The following DBF4B variants were observed in gnomAD, a reference collection of about 807,000 sequenced individuals.
DBF4B encodes DBF4B-CDC7 kinase regulatory subunit.
Under a neutral mutation model 53.4 loss-of-function variants are expected in DBF4B, and 49 were observed. The ratio of observed to expected loss-of-function variants is 0.92; its 90% CI spans 0.73 to 1.16. DBF4B has a LOEUF of 1.16. Among genes scored for constraint, DBF4B ranks in the 50% most tolerant of loss-of-function variants. The pLI, the probability that DBF4B is intolerant of heterozygous loss-of-function variation, is 0.00. For missense variants in DBF4B, 692 were observed against 775.0 expected (o/e 0.89, Z 1.27); for synonymous variants, 257 against 288.7 (o/e 0.89, Z 1.11).
chr17:44,750,473 C>T, intron 13 of DBF4B, 122 bp from the exon 14 acceptor site: 1 of 1,469,944 alleles, frequency 6.8e-7, no homozygotes, highest in Non-Finnish European at 9.0e-7. Flanking sequence ...GGTCATGTTA[C>T]CCCCTTCCTG....
At chr17:44,732,684 G>T (rs2144969423) in intron 6 of DBF4B, 1 of 160,848 alleles carries the variant, frequency 6.2e-6, no homozygotes, top group African/African-American at 2.4e-5. Context: ...TGACCAACGT[G>T]GTGAAACCCC....
rs909504058 is a variant in DBF4B, at chr17:44,736,754, A to G, written c.631-76A>G. 5 of 1,540,382 alleles carry G rather than the reference A, an allele frequency of 3.2e-6. No individual in the cohort carries two copies. In the Admixed American group the frequency reaches 6.7e-5, roughly 21 times the overall value. ...AGCAAAGTGGGACAGACTGGCAGCC[A>G]CTTGGCTTATCAGGCCCAGTTCCTT... On this transcript the variant is annotated intron_variant, in intron 7 of 13. Transcript: ENST00000315005.
Position 44,736,810 on chromosome 17 carries a change from T to A in DBF4B, c.631-20T>A, listed in dbSNP as rs776454560. 9 of 1,614,022 alleles carry A rather than the reference T, an allele frequency of 5.6e-6. No individual in the cohort carries two copies. The South Asian group carries it at 9.9e-5, about 18-fold the overall frequency. ...CCGTGGCTTCCTCACATCCTTAACC[T>A]ATTTTTCCTTTCCATTTAGGGAACA... On this transcript the variant is annotated intron_variant, in intron 7 of 13. Transcript: ENST00000315005.
chr17:44,709,417 C>G (rs1972662822), intron 2 of DBF4B, 51 bp downstream of exon 2: 1 of 1,601,906 alleles, frequency 6.2e-7, no homozygotes, highest in Non-Finnish European at 8.5e-7. Flanking sequence ...GCCCCAGGGT[C>G]TCTTGGAGAA....
intron 3 of DBF4B, among the ~76,000 whole-genome samples, chr17:44,727,864 A>ATTT (rs756222247): frequency 2.2e-4 from 24 of 106,714 alleles, no homozygotes; most frequent in South Asian, 3.3e-4. Flanking sequence ...TGCCCGGGTA[A>ATTT]TTTTTTTTTT....
At chr17:44,738,919 G>A (rs1975726967) in intron 9 of DBF4B, among the ~76,000 whole-genome samples, 4 of 152,154 alleles carry the variant, frequency 2.6e-5, no homozygotes, top group Admixed American at 2.6e-4. Context: ...TTTGAAAATC[G>A]TTTTCTGGCT....
intron 3 of DBF4B, among the ~76,000 whole-genome samples, chr17:44,725,172 T>A (rs1393622465): frequency 2.7e-5 from 4 of 149,762 alleles, no homozygotes; most frequent in African/African-American, 7.4e-5. Context: ...ATGCCTGTAG[T>A]CCAGCTACTC....
intron 1 of DBF4B, 31 bp from the exon 2 acceptor site, chr17:44,709,273 A>G (rs1568151893): frequency 2.5e-6 from 4 of 1,613,730 alleles, no homozygotes; most frequent in South Asian, 1.1e-5. Flanking sequence ...GTTGGTGAAG[A>G]TGGTTGAGTT....
At chr17:44,731,283 GGGTTGCTGGGTACAGA>G in intron 5 of DBF4B, 1 of 411,192 alleles carries the variant, frequency 2.4e-6, no homozygotes, top group Non-Finnish European at 4.6e-6. Flanking sequence ...TGGCGGGACA[GGGTTGCTGGGTACAGA>G]AGCCAGACTT....
In DBF4B at chr17:44,749,722, G is replaced by A; in HGVS notation, c.1190-873G>A. On this transcript the variant is annotated intron_variant, in intron 13 of 13. Transcript: ENST00000315005. The surrounding 1 kb of genome is among the most constrained non-coding windows in gnomAD (Gnocchi z 4.4). ...ATGGGGAGGGACCACAAAGGAGCTG[G>A]GGCAGCAGGAGTCCTGGCCCGGCTT... 1 of 1,139,332 alleles carries A rather than the reference G, an allele frequency of 8.8e-7. No individual in the cohort carries two copies. Among genetic ancestry groups the A allele is most frequent in the Non-Finnish European group, 1.1e-6 (1 of 915,646 alleles). 70.6% of individuals were successfully genotyped at this position (1,139,332 alleles called of 1,614,324 possible). A position where few individuals can be genotyped will look rare whatever the true frequency, so the allele number is the denominator to read the frequency against.
At chr17:44,750,310 T>G in intron 13 of DBF4B, 1 of 1,203,158 alleles carries the variant, frequency 8.3e-7, no homozygotes, top group Non-Finnish European at 1.0e-6. Flanking sequence ...CGTCCGTGCA[T>G]TTAAAGAGTT....
At chr17:44,716,204 G>A (rs1015307189) in intron 2 of DBF4B, among the ~76,000 whole-genome samples, 2 of 152,068 alleles carry the variant, frequency 1.3e-5, no homozygotes, top group Non-Finnish European at 2.9e-5. Flanking sequence ...GTGAGGAGAA[G>A]GGGTTGTCAA....
intron 7 of DBF4B, among the ~76,000 whole-genome samples, 197 bp from the exon 8 acceptor site, chr17:44,736,633 T>G (rs1184028392): frequency 6.6e-6 from 1 of 152,094 alleles, no homozygotes; most frequent in East Asian, 1.9e-4. Context: ...AGTGCCCCCC[T>G]TATTCATCGT....
At chr17:44,750,011 CCT>C in intron 13 of DBF4B, 1 of 1,002,008 alleles carries the variant, frequency 1.0e-6, no homozygotes, top group Non-Finnish European at 1.2e-6. Context: ...TGACCTTTCC[CCT>C]GAGCCCAGGA....
Position 44,751,794 on chromosome 17 carries a change from C to A in DBF4B, c.*541C>A. 1 of 1,521,680 alleles carries A rather than the reference C, an allele frequency of 6.6e-7. No homozygotes were observed. The highest frequency in any genetic ancestry group is 1.2e-5 in the South Asian group (1 of 81,462). 94.3% of individuals were successfully genotyped at this position (1,521,680 alleles called of 1,614,324 possible). On this transcript the variant is annotated 3_prime_UTR_variant, in exon 14 of 14. Transcript: ENST00000315005. ...CATCTATTCCAAGGTCATGGACAGG[C>A]TACTGGTGACCAAAGTTGGTTCCTT...
In DBF4B at chr17:44,730,915, G is replaced by T. The variant is rs777416346; in HGVS notation, c.418-50G>T. ...CCAGCTCCTGTGTAAACATCTTTCA[G>T]TGCACAGGTGGCCTAACAGCAGACC... On this transcript the variant is annotated intron_variant, in intron 4 of 13. Coordinates refer to ENST00000315005, the MANE Select transcript of DBF4B (RefSeq NM_145663.3). 6 of 1,599,416 alleles carry T rather than the reference G, an allele frequency of 3.8e-6. No homozygotes were observed. In the Admixed American group the frequency reaches 1.0e-4, roughly 27 times the overall value.
At chr17:44,748,286 C>A in intron 12 of DBF4B, 55 bp from the exon 13 acceptor site, 1 of 1,545,396 alleles carries the variant, frequency 6.5e-7, no homozygotes, top group Admixed American at 2.0e-5. Context: ...TCAGCCCTGG[C>A]CCAGGCCTGC....
intron 3 of DBF4B, among the ~76,000 whole-genome samples, chr17:44,728,018 A>T (rs114896431): frequency 0.035 from 5,325 of 151,886 alleles, 296 homozygotes; most frequent in African/African-American, 0.12. Flanking sequence ...ACACCTGGCC[A>T]AAACAACAAT....
chr17:44,728,011 C>A (rs1974516007), intron 3 of DBF4B, among the ~76,000 whole-genome samples: 2 of 151,910 alleles, frequency 1.3e-5, no homozygotes, highest in African/African-American at 2.4e-5. Flanking sequence ...AGCCACCACA[C>A]CTGGCCAAAA....
Sources: allele counts gnomAD v4.1 joint callset (sites outside exome capture counted in the v4.1 genomes callset), GRCh38; gene constraint gnomAD v4.1.1; non-coding constraint Gnocchi (gnomAD v3.1); transcripts MANE v1.5; gene names NCBI Gene and HGNC (gene_info 2026-07-23, HGNC 2026-07-21).